Variants in SUMF2 observed in about 807,000 individuals in gnomAD.
SUMF2 encodes sulfatase modifying factor 2, also known as inactive C-alpha-formylglycine-generating enzyme 2.
In SUMF2, 45 loss-of-function variants were observed where a neutral mutation model predicts 44.8. The ratio of observed to expected loss-of-function variants is 1.00; its 90% confidence interval spans 0.79 to 1.29. The LOEUF (loss-of-function observed/expected upper bound fraction) is 1.29, where lower values mean the gene tolerates loss of function less well. Among genes scored for constraint, SUMF2 ranks in the 50% most tolerant of loss-of-function variants. The pLI, the probability that SUMF2 is intolerant of heterozygous loss-of-function variation, is 0.00. For synonymous variants in SUMF2, 148 were observed against 150.4 expected, an observed-to-expected ratio of 0.98 and a Z score of 0.12; for missense variants, 418 against 389.9, an observed-to-expected ratio of 1.07 and a Z score of -0.61.
downstream of SUMF2, chr7:56,081,515 G>A: frequency 2.3e-6 from 3 of 1,330,410 alleles, no homozygotes; most frequent in South Asian, 3.9e-5. This position sits in a 1 kb window ranked among gnomAD's most constrained non-coding sequence, Gnocchi z 4.6. Flanking sequence ...GGGCAGCTGG[G>A]AGGGGAGGGA....
chr7:56,084,235 G>A, downstream of SUMF2: 8 of 1,526,764 alleles, frequency 5.2e-6, no homozygotes, highest in Non-Finnish European at 7.0e-6. Context: ...TTGTATCAGT[G>A]TCTTCCCATC....
the SUMF2 span, among the ~76,000 whole-genome samples, chr7:56,086,568 A>T: frequency 6.6e-6 from 1 of 151,286 alleles, no homozygotes; most frequent in African/African-American, 2.4e-5. Context: ...GGCTCACTTC[A>T]ACCTCCGCCT....
chr7:56,068,462 A>G lies in SUMF2; in HGVS notation c.68-20A>G, dbSNP rs1441634269. On this transcript the variant is annotated intron_variant, in intron 1 of 8. Transcript: ENST00000434526. Reference sequence around the variant, plus strand: ...TATATATATGCATGTATTACTGGTAACTCTCTTTTTTCTCTGCAGGAAATG... The same window carrying G: ...TATATATATGCATGTATTACTGGTAGCTCTCTTTTTTCTCTGCAGGAAATG... The G allele has an allele frequency of 1.9e-6, 3 of 1,596,962 alleles. No individual in the cohort carries two copies. The highest frequency in any genetic ancestry group is 2.6e-6 in the Non-Finnish European group (3 of 1,175,140).
At chr7:56,081,297 C>T (rs1795971994), downstream of SUMF2, 7 of 1,607,092 alleles carry the variant, frequency 4.4e-6, no homozygotes, top group East Asian at 1.6e-4. The surrounding 1 kb of genome is among the most constrained non-coding windows in gnomAD (Gnocchi z 4.6). Flanking sequence ...TCAGAGCGAT[C>T]ACCTGCAGGG....
downstream of SUMF2, chr7:56,084,056 C>T: frequency 2.8e-6 from 2 of 707,098 alleles, no homozygotes; most frequent in South Asian, 3.5e-5. Flanking sequence ...TAAGTCCCCT[C>T]CCCAGGTTCC....
downstream of SUMF2, among the ~76,000 whole-genome samples, chr7:56,082,871 G>T (rs1796076455): frequency 6.6e-6 from 1 of 152,108 alleles, no homozygotes; most frequent in Admixed American, 6.6e-5. Flanking sequence ...ACTTTGGGAG[G>T]CCGAGGCGGG....
At chr7:56,073,289 C>T (rs1177540402) in intron 3 of SUMF2, 178 bp downstream of exon 3, 1 of 671,868 alleles carries the variant, frequency 1.5e-6, no homozygotes, top group Admixed American at 2.1e-5. Flanking sequence ...AGGAAGTTAA[C>T]CCTGAACCCA....
chr7:56,082,482 AC>A (rs1189840656), downstream of SUMF2, among the ~76,000 whole-genome samples: 1 of 152,092 alleles, frequency 6.6e-6, no homozygotes, highest in Non-Finnish European at 1.5e-5. Flanking sequence ...AGTCCCAGCT[AC>A]TCAGGAGGCT....
chr7:56,084,375 T>C (rs1796160999), downstream of SUMF2: 1 of 529,614 alleles, frequency 1.9e-6, no homozygotes, highest in Non-Finnish European at 3.3e-6. Context: ...TCCCGATTTT[T>C]TTTTTTTTTT....
At position 56,065,479 on chromosome 7, in the gene SUMF2, T is replaced by A. The variant is rs1367832820; in HGVS notation, c.67+1101T>A. ...TCAGATTCATCTATTATCTCATAAA[T>A]GGTTTTTAACGTTTGCTGGCTGAAT... On this transcript the variant is annotated intron_variant, in intron 1 of 8. Coordinates refer to ENST00000434526, the MANE Select transcript of SUMF2 (RefSeq NM_015411.4). Among the ~76,000 whole-genome samples, 5 of 152,248 alleles carry A rather than the reference T, an allele frequency of 3.3e-5. No homozygotes were observed. The South Asian group carries it at 1.0e-3, about 31-fold the overall frequency.
At chr7:56,081,560 C>T, downstream of SUMF2, 1 of 1,567,748 alleles carries the variant, frequency 6.4e-7, no homozygotes, top group Non-Finnish European at 8.7e-7. This position sits in a 1 kb window ranked among gnomAD's most constrained non-coding sequence, Gnocchi z 4.6. Flanking sequence ...TGTAAGGACT[C>T]CTGGGAGAGG....
At chr7:56,084,386 T>C, downstream of SUMF2, 1 of 574,716 alleles carries the variant, frequency 1.7e-6, no homozygotes, top group Non-Finnish European at 3.1e-6. Context: ...TTTTTTTTTT[T>C]TTTTTGAGAT....
downstream of SUMF2, chr7:56,081,314 G>A (rs574938961): frequency 4.5e-4 from 722 of 1,596,286 alleles, 11 homozygotes; most frequent in South Asian, 4.6e-3. This position sits in a 1 kb window ranked among gnomAD's most constrained non-coding sequence, Gnocchi z 4.6. Context: ...AGGGCCAGGC[G>A]GAGAAGCTGG....
chr7:56,081,564 G>A, downstream of SUMF2: 1 of 1,576,144 alleles, frequency 6.3e-7, no homozygotes, highest in South Asian at 1.1e-5. The surrounding 1 kb of genome is among the most constrained non-coding windows in gnomAD (Gnocchi z 4.6). Context: ...AGGACTCCTG[G>A]GAGAGGAGGG....
At chr7:56,064,464 G>C (rs1282674781) in intron 1 of SUMF2, 86 bp downstream of exon 1, 3 of 1,480,902 alleles carry the variant, frequency 2.0e-6, no homozygotes, top group East Asian at 5.5e-5. Context: ...AGGCCCTTCT[G>C]CCGGCTTCCG....
intron 1 of SUMF2, among the ~76,000 whole-genome samples, chr7:56,066,449 T>G (rs888362897): frequency 6.6e-6 from 1 of 152,178 alleles, no homozygotes; most frequent in African/African-American, 2.4e-5. Context: ...TATTTTTTAT[T>G]TATTTATTTA....
rs566409543 is a variant in SUMF2, at chr7:56,069,317, C to T, written c.224+679C>T. 8.5e-5 allele frequency among the ~76,000 whole-genome samples: 13 copies of T among 152,084 alleles called. No homozygotes were observed. The South Asian group carries it at 2.5e-3, about 29-fold the overall frequency. On this transcript the variant is annotated intron_variant, in intron 2 of 8. Transcript: ENST00000434526. The stretch of plus-strand genomic sequence containing the variant: ...ATAGTAGAGAGTCCTTTAAATTCCC[C>T]TTATAGGCCAGGTGTGCTGGCTCAC...
the SUMF2 span, chr7:56,087,148 A>G: frequency 1.4e-6 from 1 of 740,610 alleles, no homozygotes; most frequent in Non-Finnish European, 2.5e-6. Context: ...GGGAATCAGG[A>G]GGGTGCTCAA....
At chr7:56,087,695 A>T in the SUMF2 span, 1 of 1,613,852 alleles carries the variant, frequency 6.2e-7, no homozygotes, top group Non-Finnish European at 8.5e-7. Flanking sequence ...AGCTGCCTCC[A>T]CCGGTGACGT....
Sources: allele counts gnomAD v4.1 joint callset (sites outside exome capture counted in the v4.1 genomes callset), GRCh38; gene constraint gnomAD v4.1.1; non-coding constraint Gnocchi (gnomAD v3.1); transcripts MANE v1.5; gene names NCBI Gene and HGNC (gene_info 2026-07-23, HGNC 2026-07-21).